KCNIP1: variants seen among roughly 807,000 people sequenced by gnomAD.
The protein encoded by KCNIP1 is A-type potassium channel modulatory protein KCNIP1.
KCNIP1 carries 18 observed loss-of-function variants against 33.0 expected under a neutral mutation model. The ratio of observed to expected loss-of-function variants is 0.55; its 90% CI spans 0.38 to 0.81. The LOEUF (loss-of-function observed/expected upper bound fraction) is 0.81, where lower values mean the gene tolerates loss of function less well. Among genes scored for constraint, KCNIP1 ranks in the 30% least tolerant of loss-of-function variants. The pLI is 0.00. For missense variants in KCNIP1, 238 were observed against 271.6 expected (o/e 0.88, Z 0.87); for synonymous variants, 93 against 98.3 (o/e 0.95, Z 0.32).
chr5:170,733,956 T>C, intron 7 of KCNIP1, 58 bp downstream of exon 7: 1 of 1,442,362 alleles, frequency 6.9e-7, no homozygotes, highest in Non-Finnish European at 9.7e-7. Flanking sequence ...ACCTGGGGCC[T>C]GGGGACCTGC....
At position 170,377,276 on chromosome 5, in the gene KCNIP1, C is replaced by T. The variant is rs888241289; in HGVS notation, c.88+23312C>T. 3.3e-5 allele frequency: 5 copies of T among 152,372 alleles called. No homozygotes were observed. The East Asian group carries it at 5.8e-4, about 18-fold the overall frequency. 9.4% of individuals were successfully genotyped at this position (152,372 alleles called of 1,614,324 possible). A position where few individuals can be genotyped will look rare whatever the true frequency, so the allele number is the denominator to read the frequency against. The stretch of plus-strand genomic sequence containing the variant: ...ACACAGAACATTGCTACCCCCACCC[C>T]GTGCAGGGCTTCTGGCGTGGTGGGG... On this transcript the variant is annotated intron_variant, in intron 1 of 7. Coordinates refer to the KCNIP1 transcript ENST00000377360.
intron 1 of KCNIP1, among the ~76,000 whole-genome samples, chr5:170,668,968 T>A (rs1761814623): frequency 6.6e-6 from 1 of 152,204 alleles, no homozygotes; most frequent in Non-Finnish European, 1.5e-5. Flanking sequence ...CTTACCTTCT[T>A]GGGGAACCCT....
At chr5:170,503,118 G>C (rs76649991), upstream of KCNIP1, among the ~76,000 whole-genome samples, 1 of 152,116 alleles carries the variant, frequency 6.6e-6, no homozygotes, top group Non-Finnish European at 1.5e-5. Context: ...GGCCGGGTGG[G>C]GTGGCTCTCG....
chr5:170,650,523 G>A (rs1158599470), intron 1 of KCNIP1, among the ~76,000 whole-genome samples: 1 of 152,188 alleles, frequency 6.6e-6, no homozygotes, highest in Non-Finnish European at 1.5e-5. Context: ...TTGCTAAGTA[G>A]TATTGTAGTA....
chr5:170,726,514 G>T (rs1764009516), intron 5 of KCNIP1, among the ~76,000 whole-genome samples: 2 of 152,122 alleles, frequency 1.3e-5, no homozygotes, highest in African/African-American at 4.8e-5. Context: ...AACTCTCATA[G>T]ATAGCTGGCA....
intron 1 of KCNIP1, among the ~76,000 whole-genome samples, chr5:170,601,430 G>A (rs563423376): frequency 2.0e-4 from 31 of 152,318 alleles, no homozygotes; most frequent in Admixed American, 5.9e-4. Context: ...CTTCAGCCTG[G>A]CTTCTGCTTT....
At chr5:170,539,070 T>C (rs1445084077) in intron 1 of KCNIP1, among the ~76,000 whole-genome samples, 2 of 152,030 alleles carry the variant, frequency 1.3e-5, no homozygotes, top group African/African-American at 4.8e-5. Flanking sequence ...CTCCAGAATC[T>C]GTCTCATTTC....
rs891269601 is a variant in KCNIP1 at position 170,467,092 on chromosome 5, G to A, written c.88+113128G>A. Among the ~76,000 whole-genome samples, 10 of 152,248 alleles carry A rather than the reference G, an allele frequency of 6.6e-5. No individual in the cohort carries two copies. In the East Asian group the frequency reaches 9.7e-4, roughly 15 times the overall value. ...TGGTTACCTTAGGGAGAGAAGTTTT[G>A]GCGGAGTTGACAAGCACAGTCAGAT... On this transcript the variant is annotated intron_variant, in intron 1 of 7. Transcript: ENST00000377360.
At chr5:170,503,952 C>G (rs1412601293), upstream of KCNIP1, 1 of 709,050 alleles carries the variant, frequency 1.4e-6, no homozygotes, top group Non-Finnish European at 1.7e-6. Context: ...CCGTGCAGCC[C>G]TCGCCCCCGC....
intron 1 of KCNIP1, among the ~76,000 whole-genome samples, chr5:170,404,056 T>C (rs1725510419): frequency 2.0e-5 from 3 of 152,134 alleles, no homozygotes; most frequent in African/African-American, 7.2e-5. Flanking sequence ...TTAAGTCTCC[T>C]CCTGCATCTC....
At chr5:170,465,850 T>C (rs1756598678) in intron 1 of KCNIP1, among the ~76,000 whole-genome samples, 1 of 152,102 alleles carries the variant, frequency 6.6e-6, no homozygotes, top group African/African-American at 2.4e-5. Flanking sequence ...GGGAGGGAGA[T>C]GGTCCATTCC....
chr5:170,563,642 TTG>T (rs2113462797), intron 1 of KCNIP1, among the ~76,000 whole-genome samples: 2 of 151,696 alleles, frequency 1.3e-5, no homozygotes, highest in South Asian at 4.6e-4. Flanking sequence ...GTTTTTTTTT[TTG>T]TTTGTTTGTT....
At chr5:170,674,573 G>T (rs933533776) in intron 1 of KCNIP1, among the ~76,000 whole-genome samples, 4 of 152,184 alleles carry the variant, frequency 2.6e-5, no homozygotes, top group African/African-American at 9.7e-5. Flanking sequence ...AACCCTAGTA[G>T]GGGAGGGGGA....
At chr5:170,563,238 A>T (rs929536381) in intron 1 of KCNIP1, among the ~76,000 whole-genome samples, 1 of 152,120 alleles carries the variant, frequency 6.6e-6, no homozygotes, top group South Asian at 2.1e-4. Flanking sequence ...AGTAGAGTTT[A>T]CCCTGCCCAG....
At position 170,703,503 on chromosome 5, in the gene KCNIP1, T is replaced by A. The variant is rs192001913; in HGVS notation, c.62-15255T>A. Among the ~76,000 whole-genome samples, 2 of 138,042 alleles carry A rather than the reference T, an allele frequency of 1.4e-5. 1 individual carries two copies. Among genetic ancestry groups the A allele is most frequent in the Admixed American group, 1.6e-4 (2 of 12,600 alleles). The allele number at this position is 138,042 out of a possible 152,430, so 90.6% of individuals were successfully genotyped here. On this transcript the variant is annotated intron_variant, in intron 1 of 7. Coordinates refer to ENST00000328939, the MANE Select transcript of KCNIP1 (RefSeq NM_014592.4). ...ATGAAGTGAAACAGACCAGGGCTGG[T>A]GGTTTATACCTGTAATTCCAGTGCT... is the stretch of plus-strand genomic sequence containing the variant.
At chr5:170,537,463 C>T (rs1756035725) in intron 1 of KCNIP1, among the ~76,000 whole-genome samples, 1 of 152,224 alleles carries the variant, frequency 6.6e-6, no homozygotes. Context: ...ACCTGTCATA[C>T]AGGCAGGAGT....
chr5:170,359,903 C>CTCCTAGGTAACT (rs1561583197), intron 1 of KCNIP1, among the ~76,000 whole-genome samples: 1 of 152,246 alleles, frequency 6.6e-6, no homozygotes, highest in African/African-American at 2.4e-5. Flanking sequence ...TCCTAGATAA[C>CTCCTAGGTAACT]CCTGTTACCA....
At chr5:170,361,828 G>A (rs1276532950) in intron 1 of KCNIP1, among the ~76,000 whole-genome samples, 4 of 152,128 alleles carry the variant, frequency 2.6e-5, no homozygotes, top group Non-Finnish European at 5.9e-5. Flanking sequence ...AAGAGGCTCC[G>A]CCTTCATGAC....
intron 1 of KCNIP1, among the ~76,000 whole-genome samples, chr5:170,490,179 G>T (rs1478477898): frequency 3.3e-5 from 5 of 152,228 alleles, no homozygotes; most frequent in African/African-American, 1.2e-4. Context: ...CTCTGTTCAT[G>T]CTCCTCCCCT....
Sources: gnomAD v4.1 joint callset for allele counts (sites outside exome capture counted in the v4.1 genomes callset) on GRCh38, gnomAD v4.1.1 for gene constraint, MANE v1.5 for transcripts, NCBI Gene and HGNC (gene_info 2026-07-23, HGNC 2026-07-21) for gene names.